Variants in FLG observed in about 807,000 individuals in gnomAD.
FLG encodes epidermal filaggrin.
In FLG, 6 loss-of-function variants were observed where a neutral mutation model predicts 3.8. The ratio of observed to expected loss-of-function variants is 1.60; its 90% CI spans 0.87 to 3.15. The LOEUF is 3.15. FLG is among the 30% of genes most tolerant of loss of function. The pLI is 0.00. For synonymous variants in FLG, 2,551 were observed against 1,931.6 expected (o/e 1.32, Z -8.41); for missense variants, 7,595 against 5,050.9 (o/e 1.50, Z -15.27).
Position 152,308,250 on chromosome 1 carries a change from T to C in FLG, c.6636A>G (p.Glu2212=), listed in dbSNP as rs1652122300. Residue 2212 remains glutamate (E), a synonymous_variant, in exon 3 of 3, where the codon GAA becomes GAG. Transcript: ENST00000368799. ...GSRHSGSHHH[E]ASSWADSSRH... ...TAGAGCTGTCGGCCCAAGAGGAAGC[T>C]TCATGATGATGCGACCCTGAGTGCC... 1 of 1,614,016 alleles carries C rather than the reference T, an allele frequency of 6.2e-7. No individual in the cohort carries two copies. Among genetic ancestry groups the C allele is most frequent in the African/African-American group, 1.3e-5 (1 of 75,020 alleles).
chr1:152,313,788 A>G lies in FLG; in HGVS notation c.1098T>C (p.Arg366=). Residue 366 remains arginine (R), a synonymous_variant, in exon 3 of 3, where the codon CGT becomes CGC. Coordinates refer to ENST00000368799, the MANE Select transcript of FLG (RefSeq NM_002016.2). ...GTTCATGGGATGATGCAGTCTGTCC[A>G]CGAGAGGAAGTCTCTGCGTGACGAG... is the stretch of plus-strand genomic sequence containing the variant. The part of the protein sequence containing the change: ...SGTRHAETSS[R]GQTASSHEQA... The G allele has an allele frequency of 6.2e-7, 1 of 1,614,026 alleles. No individual in the cohort carries two copies. The highest frequency in any genetic ancestry group is 8.5e-7 in the Non-Finnish European group (1 of 1,179,982).
At position 152,303,466 on chromosome 1, in the gene FLG, C is replaced by G. The variant is rs1651727730; in HGVS notation, c.11420G>C (p.Arg3807Thr). Residue 3807 changes from arginine to threonine, a missense_variant, in exon 3 of 3, where the codon AGA (arginine) becomes ACA (threonine). Arg to Thr is a moderately conservative substitution (Grantham distance 71, BLOSUM62 -1). Transcript: ENST00000368799. ...SDASHGQSGS[R>T]SASRETRNEE... ...ATTACGTGTTTCTCTGCTTGCACTT[C>G]TGGATCCTGACTGCCCATGGGAGGC... 1 of 1,614,014 alleles carries G rather than the reference C, an allele frequency of 6.2e-7. No homozygotes were observed. The highest frequency in any genetic ancestry group is 1.7e-5 in the Admixed American group (1 of 59,996).
In FLG at chr1:152,302,290, A is replaced by G. The variant is rs1422473345; in HGVS notation, c.*410T>C. 4.8e-6 allele frequency: 1 copy of G among 206,980 alleles called. No homozygotes were observed. Among genetic ancestry groups the G allele is most frequent in the African/African-American group, 2.4e-5 (1 of 42,172 alleles). The allele number at this position is 206,980 out of a possible 1,614,324, so 12.8% of individuals were successfully genotyped here. A position where few individuals can be genotyped will look rare whatever the true frequency, so the allele number is the denominator to read the frequency against. On this transcript the variant is annotated 3_prime_UTR_variant, in exon 3 of 3. Transcript: ENST00000368799. ...GAAGGATAATAGAGAAAGATGTGCT[A>G]GCCCTGATGTTGATATAGCCACTTT... is the stretch of plus-strand genomic sequence containing the variant.
rs755034552 is a variant in FLG at position 152,312,829 on chromosome 1, T to C, written c.2057A>G (p.Gln686Arg). 1 of 1,614,082 alleles carries C rather than the reference T, an allele frequency of 6.2e-7. No individual in the cohort carries two copies. Among genetic ancestry groups the C allele is most frequent in the Non-Finnish European group, 8.5e-7 (1 of 1,180,020 alleles). ...CGCAGCCTGTCCACTAGAGGAATTCTGTGTGTGACGAGTGCCTGATTTTCT... is the reference window on the plus strand; with the variant it reads ...CGCAGCCTGTCCACTAGAGGAATTCCGTGTGTGACGAGTGCCTGATTTTCT... ...SSRKSGTRHTQNSSSGQAASS... is the reference protein window; with the variant it reads ...SSRKSGTRHTRNSSSGQAASS... Residue 686 changes from glutamine (Q) to arginine (R), a missense_variant, in exon 3 of 3, where the codon CAG becomes CGG. By Grantham distance (43) the Gln-to-Arg change is conservative. Transcript: ENST00000368799.
Position 152,307,932 on chromosome 1 carries a change from G to C in FLG, c.6954C>G (p.Ser2318=), listed in dbSNP as rs932669449. 1.1e-5 allele frequency: 18 copies of C among 1,613,316 alleles called. No individual in the cohort carries two copies. In the African/African-American group the frequency reaches 2.1e-4, roughly 19 times the overall value. ...CTGCACTTGATCTTGCCTGTTCATG[G>C]GATGATGCAGCCTGTCCACCAGAGG... ...ENSSGGQAAS[S]HEQARSSAGE... The change falls in exon 3 of 3, where the codon TCC becomes TCG. Residue 2318 remains serine, a synonymous_variant. Coordinates refer to ENST00000368799, the MANE Select transcript of FLG (RefSeq NM_002016.2).
chr1:152,308,890 G>C lies in FLG; in HGVS notation c.5996C>G (p.Ser1999Ter), dbSNP rs755879795. Reference protein sequence around the residue: ...QAASSHEQARSSAGERHGSHH... With the variant: ...QAASSHEQAR ...GGATCCATGTCTTTCTCCTGCACTT[G>C]ATCTTGCCTGTTCATGGGATGACGC... The change falls in exon 3 of 3, where the codon TCA becomes TGA. Residue 1999 changes from serine (S) to a stop codon, truncating the protein, a stop_gained. Transcript: ENST00000368799. LOFTEE classifies it low-confidence loss of function (END_TRUNC). 50 of 1,614,040 alleles carry C rather than the reference G, an allele frequency of 3.1e-5. No homozygotes were observed. The highest frequency in any genetic ancestry group is 4.2e-5 in the Non-Finnish European group (49 of 1,180,008).
In FLG at chr1:152,309,720, G is replaced by C; in HGVS notation, c.5166C>G (p.Ser1722Arg). 2 of 1,613,562 alleles carry C rather than the reference G, an allele frequency of 1.2e-6. No homozygotes were observed. The highest frequency in any genetic ancestry group is 1.7e-6 in the Non-Finnish European group (2 of 1,179,900). ...TGTCTGACTCTTCTGAGTGTCCCTC[G>C]CTGTCACTGGCCTGGCTACCACTGG... Reference protein sequence around the residue: ...RGSSGSQASDSEGHSEESDTQ... With the variant: ...RGSSGSQASDREGHSEESDTQ... Residue 1722 changes from serine (S) to arginine (R), a missense_variant, in exon 3 of 3, where the codon AGC becomes AGG. By Grantham distance (110) the Ser-to-Arg change is moderately radical. Transcript: ENST00000368799.
Position 152,314,506 on chromosome 1 carries a change from C to T in FLG, c.380G>A (p.Ser127Asn), listed in dbSNP as rs887142225. 2.5e-6 allele frequency: 4 copies of T among 1,613,368 alleles called. No homozygotes were observed. In the African/African-American group the frequency reaches 5.3e-5, roughly 22 times the overall value. Residue 127 changes from serine (S) to asparagine (N), a missense_variant, in exon 3 of 3, where the codon AGT (serine) becomes AAT (asparagine). Coordinates refer to ENST00000368799, the MANE Select transcript of FLG (RefSeq NM_002016.2). ...TTTTCTATTGTTTCTTCTTTCCAGA[C>T]TTGAGGGTCTTTTTCTGTTTTCTTT... ...ENKENRKRPS[S>N]LERRNNRKGN... is the part of the protein sequence containing the mutation.
chr1:152,302,651 A>G lies in FLG; in HGVS notation c.*49T>C, dbSNP rs1185627855. ...TATGAAGTTTCTTGATTGAAAGTGA[A>G]CTTGCTTCATTCTTCTATTCTTGGA... On this transcript the variant is annotated 3_prime_UTR_variant, in exon 3 of 3. Transcript: ENST00000368799. 2 of 1,605,204 alleles carry G rather than the reference A, an allele frequency of 1.2e-6. No homozygotes were observed. Among genetic ancestry groups the G allele is most frequent in the Non-Finnish European group, 1.7e-6 (2 of 1,175,958 alleles).
rs1196633774 is a variant in FLG at position 152,311,675 on chromosome 1, CCTGA to C, written c.3207_3210del (p.Ser1069ArgfsTer52). 3.1e-6 allele frequency: 5 copies of C among 1,614,018 alleles called. No homozygotes were observed. The highest frequency in any genetic ancestry group is 1.7e-5 in the Admixed American group (1 of 60,004). On this transcript the variant is annotated frameshift_variant, in exon 3 of 3. Transcript: ENST00000368799. LOFTEE classifies it low-confidence loss of function (END_TRUNC). ...TCTGAATGTCCCTCACTATCACTGG[CCTGA>C]CTACCACTGGACCCCCAGTGTCCAC... is the stretch of plus-strand genomic sequence containing the variant.
rs749995949 is a variant in FLG at position 152,308,640 on chromosome 1, TTC to T, written c.6244_6245del (p.Glu2082LysfsTer16). 6.2e-7 allele frequency: 1 copy of T among 1,614,106 alleles called. No individual in the cohort carries two copies. Among genetic ancestry groups the T allele is most frequent in the Non-Finnish European group, 8.5e-7 (1 of 1,179,986 alleles). ...HKESARGQSG[E>X]SSGRSGSFLY... ...GGAAAGACCCTGAACGTCCAGAGCT[TTC>T]CCCTGACTGGCCACGTGCGGACTCT... On this transcript the variant is annotated frameshift_variant, in exon 3 of 3. Coordinates refer to ENST00000368799, the MANE Select transcript of FLG (RefSeq NM_002016.2). LOFTEE classifies it low-confidence loss of function (END_TRUNC).
chr1:152,314,087 A>C lies in FLG; in HGVS notation c.799T>G (p.Ser267Ala). The part of the protein sequence containing the change: ...YERSRSSDGK[S>A]SSQVNRSRHE... Reference sequence around the variant, plus strand: ...CTTGACCTGTTCACTTGAGATGATGATTTGCCATCAGATGACCTTGATCTT... The same window carrying C: ...CTTGACCTGTTCACTTGAGATGATGCTTTGCCATCAGATGACCTTGATCTT... The change falls in exon 3 of 3, where the codon TCA becomes GCA. Residue 267 changes from serine to alanine, a missense_variant. Coordinates refer to ENST00000368799, the MANE Select transcript of FLG (RefSeq NM_002016.2). 5 of 1,614,070 alleles carry C rather than the reference A, an allele frequency of 3.1e-6. No individual in the cohort carries two copies. Among genetic ancestry groups the C allele is most frequent in the Non-Finnish European group, 4.2e-6 (5 of 1,180,004 alleles).
At position 152,307,245 on chromosome 1, in the gene FLG, C is replaced by T. The variant is rs12081090; in HGVS notation, c.7641G>A (p.Ser2547=). Reference sequence around the variant, plus strand: ...CCTCTGATTGTCCCTGGCCCACCTGCGAGTGTCCAGAGCTGTCGGCCCGAG... The same window carrying T: ...CCTCTGATTGTCCCTGGCCCACCTGTGAGTGTCCAGAGCTGTCGGCCCGAG... ...ASSRADSSGH[S]QVGQGQSEGP... Residue 2547 remains serine (S), a synonymous_variant, in exon 3 of 3, where the codon TCG becomes TCA. Transcript: ENST00000368799. The T allele has an allele frequency of 9.8e-5, 157 of 1,609,770 alleles. No homozygotes were observed. Among genetic ancestry groups the T allele is most frequent in the Middle Eastern group, 6.6e-4 (4 of 6,058 alleles).
In FLG at chr1:152,308,466, T is replaced by C. The variant is rs764335258; in HGVS notation, c.6420A>G (p.Gly2140=). 8 of 1,613,690 alleles carry C rather than the reference T, an allele frequency of 5.0e-6. No individual in the cohort carries two copies. Among genetic ancestry groups the C allele is most frequent in the Non-Finnish European group, 6.8e-6 (8 of 1,179,888 alleles). ...ASQEGQDTIR[G]HPGPSRGGRQ... ...TTCCTCCTCTGCTTGGCCCCGGGTG[T>C]CCACGAATGGTGTCCTGACCCTCTT... Residue 2140 remains glycine (G), a synonymous_variant, in exon 3 of 3, where the codon GGA becomes GGG. Transcript: ENST00000368799.
rs373536239 is a variant in FLG at position 152,309,485 on chromosome 1, A to G, written c.5401T>C (p.Ser1801Pro). The G allele has an allele frequency of 2.4e-5, 38 of 1,613,706 alleles. No homozygotes were observed. In the African/African-American group the frequency reaches 4.5e-4, roughly 19 times the overall value. Reference sequence around the variant, plus strand: ...CCCTCTTGGGACGCTGAGTGCCTGGAGCTGTCTCGTGCCTGCTCGTGGCGG... The same window carrying G: ...CCCTCTTGGGACGCTGAGTGCCTGGGGCTGTCTCGTGCCTGCTCGTGGCGG... ...RSRHEQARDS[S>P]RHSASQEGQD... Residue 1801 changes from serine to proline, a missense_variant, in exon 3 of 3, where the codon TCC becomes CCC. Transcript: ENST00000368799.
In FLG at chr1:152,307,105, G is replaced by T; in HGVS notation, c.7781C>A (p.Ser2594Tyr). ...SGSASRNHHGSAQEQLRDGSR... is the reference protein window; with the variant it reads ...SGSASRNHHGYAQEQLRDGSR... The stretch of plus-strand genomic sequence containing the variant: ...GCCATCTCTTAGCTGCTCCTGAGCA[G>T]ATCCATGATGGTTTCTGGAAGCAGA... Residue 2594 changes from serine to tyrosine, a missense_variant, in exon 3 of 3, where the codon TCT becomes TAT. Coordinates refer to ENST00000368799, the MANE Select transcript of FLG (RefSeq NM_002016.2). The T allele has an allele frequency of 6.2e-7, 1 of 1,611,448 alleles. No individual in the cohort carries two copies. The highest frequency in any genetic ancestry group is 8.5e-7 in the Non-Finnish European group (1 of 1,179,812).
At position 152,311,396 on chromosome 1, in the gene FLG, T is replaced by C. The variant is rs1330620138; in HGVS notation, c.3490A>G (p.Thr1164Ala). The change falls in exon 3 of 3, where the codon ACC becomes GCC. Residue 1164 changes from threonine (T) to alanine (A), a missense_variant. Coordinates refer to ENST00000368799, the MANE Select transcript of FLG (RefSeq NM_002016.2). ...RHSASQEGQDTIRAHPGSRRG... is the reference protein window; with the variant it reads ...RHSASQEGQDAIRAHPGSRRG... ...CTTGACCCCGGGTGTGCACGAATGG[T>C]GTCCTGACCCTCTTGGGACGCTGAG... The C allele has an allele frequency of 4.3e-6, 7 of 1,613,548 alleles. No homozygotes were observed. In the South Asian group the frequency reaches 6.6e-5, roughly 15 times the overall value.
chr1:152,312,554 A>T lies in FLG; in HGVS notation c.2332T>A (p.Ser778Thr), dbSNP rs1437547681. ...CTTTCCCCTGACCGGTCACGTGCGG[A>T]CTCTTGGTGGCTCTGCTGATGGTGA... ...AGHHQQSHQE[S>T]ARDRSGERSR... Residue 778 changes from serine to threonine, a missense_variant, in exon 3 of 3, where the codon TCC (serine) becomes ACC (threonine). By Grantham distance (58) the Ser-to-Thr change is moderately conservative. Coordinates refer to ENST00000368799, the MANE Select transcript of FLG (RefSeq NM_002016.2). 2 of 1,609,452 alleles carry T rather than the reference A, an allele frequency of 1.2e-6. No homozygotes were observed. The highest frequency in any genetic ancestry group is 1.7e-5 in the Admixed American group (1 of 59,642).
Position 152,303,704 on chromosome 1 carries a change from C to G in FLG, c.11182G>C (p.Gly3728Arg), listed in dbSNP as rs138420878. The G allele has an allele frequency of 3.7e-6, 6 of 1,613,916 alleles. No individual in the cohort carries two copies. The highest frequency in any genetic ancestry group is 1.7e-5 in the Admixed American group (1 of 59,980). The change falls in exon 3 of 3, where the codon GGG (glycine) becomes CGG (arginine). Residue 3728 changes from glycine (G) to arginine (R), a missense_variant. By Grantham distance (125) the Gly-to-Arg change is moderately radical. Transcript: ENST00000368799. ...EQSESAHGRA[G>R]PSTGGRQGSR... is the part of the protein sequence containing the mutation. ...CCTTGTCTTCCTCCAGTACTGGGCC[C>G]AGCCCGTCCATGGGCAGACTCAGAC...
Sources: gnomAD v4.1 joint callset for allele counts on GRCh38, gnomAD v4.1.1 for gene constraint, MANE v1.5 for transcripts, NCBI Gene and HGNC (gene_info 2026-07-23, HGNC 2026-07-21) for gene names.